The following ZC4H2 variants were observed in gnomAD, a reference collection of about 807,000 sequenced individuals.
ZC4H2 encodes zinc finger C4H2-type containing, also known as zinc finger C4H2 domain-containing protein.
For synonymous variants in ZC4H2, 84 were observed against 66.3 expected (o/e 1.27, Z -1.30); for missense variants, 137 against 173.9 (o/e 0.79, Z 1.19).
chrX:65,025,117 C>T (rs1033001217), intron 1 of ZC4H2, among the ~76,000 whole-genome samples: 5 of 107,553 alleles, frequency 4.6e-5, no homozygotes, highest in Non-Finnish European at 9.6e-5. Flanking sequence ...ATTCCAAATC[C>T]ATGGTTTTTT....
At chrX:64,941,646 A>G (rs1930285843) in intron 1 of ZC4H2, among the ~76,000 whole-genome samples, 1 of 112,456 alleles carries the variant, frequency 8.9e-6, no homozygotes, top group South Asian at 3.6e-4. Context: ...ATCTATTGAA[A>G]TAATCATGAG....
intron 1 of ZC4H2, among the ~76,000 whole-genome samples, chrX:64,999,549 T>A (rs1932493533): frequency 8.9e-6 from 1 of 112,133 alleles, no homozygotes; most frequent in Non-Finnish European, 1.9e-5. Flanking sequence ...GCAAGAGCTT[T>A]CTTTTCATAC....
chrX:64,984,421 G>A (rs1471847431), intron 1 of ZC4H2, among the ~76,000 whole-genome samples: 2 of 111,656 alleles, frequency 1.8e-5, no homozygotes, highest in African/African-American at 6.5e-5. Context: ...AGTTTGATGG[G>A]CAGAGGACTA....
At chrX:64,952,315 T>C (rs1427782730) in intron 1 of ZC4H2, among the ~76,000 whole-genome samples, 2 of 109,025 alleles carry the variant, frequency 1.8e-5, no homozygotes, top group African/African-American at 6.8e-5. Flanking sequence ...AACTTTCAAG[T>C]AGTTTCTTCC....
chrX:65,021,503 C>T (rs1287160386), intron 1 of ZC4H2, among the ~76,000 whole-genome samples: 1 of 111,256 alleles, frequency 9.0e-6, no homozygotes, highest in Admixed American at 9.5e-5. Flanking sequence ...ACCAGAATCT[C>T]TGGGACACAT....
At chrX:64,995,607 G>A (rs1192328256) in intron 1 of ZC4H2, among the ~76,000 whole-genome samples, 2 of 112,405 alleles carry the variant, frequency 1.8e-5, no homozygotes, top group Non-Finnish European at 3.8e-5. Flanking sequence ...CCATCCACCT[G>A]CCTTGGCCTC....
intron 1 of ZC4H2, among the ~76,000 whole-genome samples, chrX:64,948,521 CT>C (rs982678518): frequency 1.8e-5 from 2 of 111,639 alleles, no homozygotes; most frequent in African/African-American, 6.5e-5. Flanking sequence ...TTTTTAATTT[CT>C]GAAGAACTGA....
chrX:64,961,017 G>A (rs1031147304), intron 1 of ZC4H2, among the ~76,000 whole-genome samples: 10 of 110,897 alleles, frequency 9.0e-5, no homozygotes, highest in East Asian at 2.8e-4. Flanking sequence ...TTTTCTGTCC[G>A]ACTGTTCCAT....
At chrX:64,928,632 C>CCTCCTTCTTCTT (rs1457350435) in intron 1 of ZC4H2, among the ~76,000 whole-genome samples, 6 of 83,338 alleles carry the variant, frequency 7.2e-5, no homozygotes, top group African/African-American at 2.9e-4. Flanking sequence ...CCTGCTTTCT[C>CCTCCTTCTTCTT]CTTCTTCTTC....
At chrX:64,921,338 T>G (rs1929186938) in intron 2 of ZC4H2, among the ~76,000 whole-genome samples, 1 of 111,850 alleles carries the variant, frequency 8.9e-6, no homozygotes, top group African/African-American at 3.3e-5. Flanking sequence ...GCTTACCACC[T>G]TAGCAGACAG....
In ZC4H2 at chrX:64,934,131, C is replaced by T. The variant is rs192625283; in HGVS notation, c.54-12143G>A. Reference sequence around the variant, plus strand: ...AGAGAGACCTGGGAGAGAAGACCTGCTATTCAGATTCTTTTGTCCCACAGG... The same window carrying T: ...AGAGAGACCTGGGAGAGAAGACCTGTTATTCAGATTCTTTTGTCCCACAGG... On this transcript the variant is annotated intron_variant, in intron 1 of 4. Transcript: ENST00000374839. Among the ~76,000 whole-genome samples the T allele has an allele frequency of 3.5e-3, 391 of 112,127 alleles. 1 individual carries two copies. Among genetic ancestry groups the T allele is most frequent in the African/African-American group, 0.011 (351 of 30,882 alleles).
intron 1 of ZC4H2, among the ~76,000 whole-genome samples, chrX:64,952,555 AC>A (rs1930907114): frequency 9.0e-6 from 1 of 110,930 alleles, no homozygotes; most frequent in Admixed American, 9.7e-5. Context: ...TCATGAGTGA[AC>A]TCCCTTTCAC....
chrX:64,930,839 T>C (rs1313472676), intron 1 of ZC4H2, among the ~76,000 whole-genome samples: 1 of 111,576 alleles, frequency 9.0e-6, no homozygotes, highest in African/African-American at 3.3e-5. Flanking sequence ...GTTGTGTTCT[T>C]TCTTGGTTTG....
chrX:64,995,981 A>G (rs1357028364), intron 1 of ZC4H2, among the ~76,000 whole-genome samples: 2 of 111,597 alleles, frequency 1.8e-5, no homozygotes, highest in East Asian at 5.7e-4. Context: ...TGCTTGGGAA[A>G]TCAGGGCATT....
intron 1 of ZC4H2, among the ~76,000 whole-genome samples, chrX:64,928,350 G>T (rs975851745): frequency 1.8e-5 from 2 of 112,011 alleles, no homozygotes; most frequent in African/African-American, 6.5e-5. Context: ...TGGCTAGCCA[G>T]TTTTCCCAAC....
intron 1 of ZC4H2, among the ~76,000 whole-genome samples, chrX:65,012,370 G>T (rs1932764457): frequency 9.0e-6 from 1 of 111,125 alleles, no homozygotes; most frequent in South Asian, 3.8e-4. Flanking sequence ...AGGCACGTTT[G>T]GTTGCCAGTT....
At chrX:64,967,760 T>TGGTCCTCTG (rs961285117) in intron 1 of ZC4H2, among the ~76,000 whole-genome samples, 65 of 112,395 alleles carry the variant, frequency 5.8e-4, no homozygotes, top group African/African-American at 2.0e-3. Flanking sequence ...CACATAGTCA[T>TGGTCCTCTG]GGTCCTCTGG....
intron 1 of ZC4H2, among the ~76,000 whole-genome samples, chrX:64,947,056 G>GTATTTTTA (rs1930568630): frequency 1.8e-5 from 2 of 111,167 alleles, no homozygotes; most frequent in Non-Finnish European, 3.8e-5. Flanking sequence ...TCAGTTTAGT[G>GTATTTTTA]TATTTTTATT....
intron 3 of ZC4H2, 113 bp from the exon 4 acceptor site, chrX:64,919,317 G>A: frequency 1.2e-6 from 1 of 850,216 alleles, no homozygotes; most frequent in Non-Finnish European, 1.7e-6. Context: ...ATTCTAGAAG[G>A]TCCCCACACC....
Sources: allele counts gnomAD v4.1 joint callset (sites outside exome capture counted in the v4.1 genomes callset), GRCh38; gene constraint gnomAD v4.1.1; transcripts MANE v1.5; gene names NCBI Gene and HGNC (gene_info 2026-07-23, HGNC 2026-07-21).